The following ZMAT4 variants were observed in gnomAD, a reference collection of about 807,000 sequenced individuals.
ZMAT4 encodes zinc finger matrin-type protein 4.
A neutral mutation model predicts 28.7 loss-of-function variants in ZMAT4; 17 were observed. The observed-to-expected ratio is 0.59, with a 90% CI of 0.41 to 0.89. The LOEUF is 0.89. ZMAT4 is among the 40% of genes least tolerant of loss of function. ZMAT4 has a pLI of 0.00. For synonymous variants in ZMAT4, 117 were observed against 109.2 expected, an observed-to-expected ratio of 1.07 and a Z score of -0.44; for missense variants, 240 against 283.8, an observed-to-expected ratio of 0.85 and a Z score of 1.11.
At chr8:40,888,821 G>A (rs751057629) in intron 1 of ZMAT4, among the ~76,000 whole-genome samples, 3 of 152,266 alleles carry the variant, frequency 2.0e-5, no homozygotes, top group Non-Finnish European at 2.9e-5. Context: ...AAATGGAATA[G>A]CTGCCACACA....
intron 3 of ZMAT4, among the ~76,000 whole-genome samples, chr8:40,762,716 T>G (rs55671832): frequency 0.16 from 24,419 of 151,976 alleles, 3,122 homozygotes; most frequent in East Asian, 0.6. Flanking sequence ...TGGTACAGTT[T>G]CAAATCCAGC....
At chr8:40,873,326 T>G (rs1817928418) in intron 1 of ZMAT4, among the ~76,000 whole-genome samples, 1 of 152,170 alleles carries the variant, frequency 6.6e-6, no homozygotes, top group Non-Finnish European at 1.5e-5. Flanking sequence ...TAAAGCTATT[T>G]TAAAACATTA....
At chr8:40,840,366 T>A (rs1816659201) in intron 1 of ZMAT4, among the ~76,000 whole-genome samples, 1 of 152,152 alleles carries the variant, frequency 6.6e-6, no homozygotes, top group Admixed American at 6.5e-5. Context: ...GAGGCTACTA[T>A]ACCTGCACCA....
At position 40,802,467 on chromosome 8, in the gene ZMAT4, A is replaced by G. The variant is rs77987512; in HGVS notation, c.102+23108T>C. On this transcript the variant is annotated intron_variant, in intron 2 of 6. Transcript: ENST00000297737. ...TTTGAAATCAAAATGCAATACTATGAATGTTAGCACACAAAAACTTATTTA... is the reference window on the plus strand; with the variant it reads ...TTTGAAATCAAAATGCAATACTATGGATGTTAGCACACAAAAACTTATTTA... 0.015 allele frequency among the ~76,000 whole-genome samples: 2,256 copies of G among 152,130 alleles called. 130 individuals carry two copies. In the East Asian group the frequency reaches 0.21, roughly 14 times the overall value.
chr8:40,857,160 C>T (rs912677326), intron 1 of ZMAT4, among the ~76,000 whole-genome samples: 2 of 151,880 alleles, frequency 1.3e-5, no homozygotes, highest in African/African-American at 4.8e-5. Flanking sequence ...TTGATAAAGA[C>T]TGGGTTACAA....
chr8:40,876,942 G>A (rs975869287), intron 1 of ZMAT4, among the ~76,000 whole-genome samples: 4 of 152,190 alleles, frequency 2.6e-5, no homozygotes, highest in Non-Finnish European at 5.9e-5. Flanking sequence ...GTTACAGGGT[G>A]AATTGTATCC....
At chr8:40,746,104 G>A (rs1812203449) in intron 3 of ZMAT4, among the ~76,000 whole-genome samples, 1 of 151,930 alleles carries the variant, frequency 6.6e-6, no homozygotes, top group Admixed American at 6.6e-5. Flanking sequence ...CAACTGCAGA[G>A]CTCACACACA....
Position 40,881,305 on chromosome 8 carries a change from C to G in ZMAT4, c.-5+16378G>C, listed in dbSNP as rs893984057. Reference sequence around the variant, plus strand: ...TGAGGAGGCTGAGGCAGGAGAATCACCTGAGCCCAGGAGGTAGAGGTTTCA... The same window carrying G: ...TGAGGAGGCTGAGGCAGGAGAATCAGCTGAGCCCAGGAGGTAGAGGTTTCA... On this transcript the variant is annotated intron_variant, in intron 1 of 6. Coordinates refer to ENST00000297737, the MANE Select transcript of ZMAT4 (RefSeq NM_024645.3). 2.0e-5 allele frequency among the ~76,000 whole-genome samples: 3 copies of G among 151,414 alleles called. No individual in the cohort carries two copies. The South Asian group carries it at 6.3e-4, about 32-fold the overall frequency.
chr8:40,786,180 G>T (rs1388706828), intron 2 of ZMAT4, among the ~76,000 whole-genome samples: 1 of 152,150 alleles, frequency 6.6e-6, no homozygotes, highest in East Asian at 1.9e-4. Context: ...CAACAAGGGG[G>T]TGATGTGTTG....
At chr8:40,823,702 C>T (rs1436138682) in intron 2 of ZMAT4, among the ~76,000 whole-genome samples, 2 of 151,910 alleles carry the variant, frequency 1.3e-5, no homozygotes, top group African/African-American at 4.8e-5. Context: ...TACACACACA[C>T]ACACGTGTGT....
rs1803462143 is a variant in ZMAT4, at chr8:40,554,408, A to G, written c.675-22170T>C. 3.9e-5 allele frequency among the ~76,000 whole-genome samples: 6 copies of G among 152,106 alleles called. No homozygotes were observed. In the South Asian group the frequency reaches 1.2e-3, roughly 32 times the overall value. ...TAATTGGTTAATTAACTAAGTACTT[A>G]ATTAACTAAGTACTGGGAATACACT... On this transcript the variant is annotated intron_variant, in intron 6 of 6. Coordinates refer to ENST00000297737, the MANE Select transcript of ZMAT4 (RefSeq NM_024645.3).
chr8:40,580,302 G>T (rs543990721), intron 6 of ZMAT4, among the ~76,000 whole-genome samples: 1 of 152,118 alleles, frequency 6.6e-6, no homozygotes, highest in South Asian at 2.1e-4. Flanking sequence ...ATGAGCCACC[G>T]CACCCGGCCT....
At chr8:40,639,458 C>T (rs549547271) in intron 5 of ZMAT4, among the ~76,000 whole-genome samples, 2 of 152,004 alleles carry the variant, frequency 1.3e-5, no homozygotes, top group African/African-American at 4.8e-5. Context: ...GGAATTACTA[C>T]GACTCTTGGC....
At chr8:40,662,336 C>T (rs1386746673) in intron 5 of ZMAT4, among the ~76,000 whole-genome samples, 1 of 152,092 alleles carries the variant, frequency 6.6e-6, no homozygotes, top group Non-Finnish European at 1.5e-5. Context: ...TTGCCCTTTT[C>T]TTGGTCAACA....
chr8:40,858,307 C>G (rs1023746802), intron 1 of ZMAT4, among the ~76,000 whole-genome samples: 3 of 152,138 alleles, frequency 2.0e-5, no homozygotes, highest in Non-Finnish European at 1.5e-5. Context: ...ATGAAACACT[C>G]TTTATATTTT....
chr8:40,839,743 G>T (rs1289155886), intron 1 of ZMAT4, among the ~76,000 whole-genome samples: 1 of 151,408 alleles, frequency 6.6e-6, no homozygotes, highest in Non-Finnish European at 1.5e-5. Flanking sequence ...TCACTCATAA[G>T]TAGGTGCTAA....
intron 2 of ZMAT4, among the ~76,000 whole-genome samples, chr8:40,781,497 T>C (rs943430685): frequency 2.6e-5 from 4 of 151,946 alleles, no homozygotes; most frequent in African/African-American, 7.2e-5. Context: ...GCGCGGTGGC[T>C]CACGCCTGTA....
chr8:40,871,386 C>G (rs1817852476), intron 1 of ZMAT4, among the ~76,000 whole-genome samples: 1 of 152,188 alleles, frequency 6.6e-6, no homozygotes, highest in African/African-American at 2.4e-5. Context: ...CCTACCCACT[C>G]TCAAGTCCAA....
chr8:40,710,659 G>A (rs1337422829), intron 3 of ZMAT4, among the ~76,000 whole-genome samples: 1 of 151,802 alleles, frequency 6.6e-6, no homozygotes, highest in African/African-American at 2.4e-5. Flanking sequence ...TGTGCCACAT[G>A]ATCCTGGAAT....
Sources: gnomAD v4.1 joint callset for allele counts (sites outside exome capture counted in the v4.1 genomes callset) on GRCh38, gnomAD v4.1.1 for gene constraint, MANE v1.5 for transcripts, NCBI Gene and HGNC (gene_info 2026-07-23, HGNC 2026-07-21) for gene names.